GULP1: variants seen among roughly 807,000 people sequenced by gnomAD.
GULP1 encodes GULP PTB domain containing engulfment adaptor 1.
A neutral mutation model predicts 40.9 loss-of-function variants in GULP1; 19 were observed. That is an observed-to-expected ratio of 0.46 (90% CI 0.32 to 0.68). The LOEUF is 0.68. Among genes scored for constraint, GULP1 ranks in the 30% least tolerant of loss-of-function variants. The pLI is 0.03. For synonymous variants in GULP1, 119 were observed against 117.6 expected, an observed-to-expected ratio of 1.01 and a Z score of -0.08; for missense variants, 312 against 362.2, an observed-to-expected ratio of 0.86 and a Z score of 1.12.
At chr2:188,367,648 G>GT (rs2046984934) in intron 1 of GULP1, among the ~76,000 whole-genome samples, 1 of 152,168 alleles carries the variant, frequency 6.6e-6, no homozygotes, top group Non-Finnish European at 1.5e-5. Context: ...TCAGAAACAG[G>GT]TATCAAGATA....
chr2:188,375,878 C>A (rs2048229795), intron 1 of GULP1, among the ~76,000 whole-genome samples: 1 of 152,010 alleles, frequency 6.6e-6, no homozygotes, highest in African/African-American at 2.4e-5. Context: ...ATGTTCACTC[C>A]CCTGTATCCT....
In GULP1 at chr2:188,473,157, C is replaced by A. The variant is rs4588151; in HGVS notation, c.-44-4502C>A. Among the ~76,000 whole-genome samples the A allele has an allele frequency of 7.6e-5, 9 of 118,762 alleles. No individual in the cohort carries two copies. The South Asian group carries it at 8.6e-4, about 11-fold the overall frequency. The allele number at this position is 118,762 out of a possible 152,430, so 77.9% of individuals were successfully genotyped here. On this transcript the variant is annotated intron_variant, in intron 2 of 11. Coordinates refer to ENST00000409830, the MANE Select transcript of GULP1 (RefSeq NM_016315.4). ...TTTCAAACAAATGGGGTCTCTCTTT[C>A]TCTCTCTCTCTCTCTCTCTCTGTTC...
chr2:188,566,612 G>A (rs1176671218), intron 7 of GULP1, among the ~76,000 whole-genome samples: 2 of 151,418 alleles, frequency 1.3e-5, no homozygotes, highest in Admixed American at 1.3e-4. Flanking sequence ...CCTGGCTAAC[G>A]TGGTGAAACC....
At chr2:188,348,160 GACTT>G (rs1210038010) in intron 1 of GULP1, among the ~76,000 whole-genome samples, 2 of 152,250 alleles carry the variant, frequency 1.3e-5, no homozygotes, top group Admixed American at 1.3e-4. Flanking sequence ...ATTATAATGA[GACTT>G]AATTGATATA....
At chr2:188,516,944 C>G (rs2065234247) in intron 4 of GULP1, among the ~76,000 whole-genome samples, 1 of 152,106 alleles carries the variant, frequency 6.6e-6, no homozygotes, top group Non-Finnish European at 1.5e-5. Context: ...TCTGAACATC[C>G]TATTTAAAAT....
At chr2:188,388,259 TG>T (rs1327451525) in intron 2 of GULP1, among the ~76,000 whole-genome samples, 1 of 151,754 alleles carries the variant, frequency 6.6e-6, no homozygotes, top group African/African-American at 2.4e-5. Context: ...CCAACTGCAT[TG>T]GCTCATGCCT....
chr2:188,462,981 T>C (rs2059831956), intron 2 of GULP1, among the ~76,000 whole-genome samples: 2 of 152,166 alleles, frequency 1.3e-5, no homozygotes, highest in South Asian at 4.1e-4. Flanking sequence ...CCATTTTTCT[T>C]GAAAAGTTGT....
At chr2:188,457,326 C>G (rs905106377) in intron 2 of GULP1, among the ~76,000 whole-genome samples, 1 of 152,150 alleles carries the variant, frequency 6.6e-6, no homozygotes, top group Non-Finnish European at 1.5e-5. Flanking sequence ...ACAATTCCCA[C>G]ATGTTGTGGG....
intron 2 of GULP1, among the ~76,000 whole-genome samples, chr2:188,420,799 G>T (rs1397745778): frequency 6.6e-6 from 1 of 152,062 alleles, no homozygotes; most frequent in Admixed American, 6.5e-5. Context: ...GAAACAATTG[G>T]CAGAGAGTGG....
At chr2:188,423,865 A>T (rs2055795942) in intron 2 of GULP1, among the ~76,000 whole-genome samples, 1 of 151,904 alleles carries the variant, frequency 6.6e-6, no homozygotes, top group South Asian at 2.1e-4. Context: ...TAATATTTTT[A>T]AAATTATTTC....
At chr2:188,420,393 TAA>T (rs1450441729) in intron 2 of GULP1, among the ~76,000 whole-genome samples, 1 of 152,174 alleles carries the variant, frequency 6.6e-6, no homozygotes, top group African/African-American at 2.4e-5. Flanking sequence ...TCTCCTTAGT[TAA>T]GTTTATTTCT....
At chr2:188,371,475 G>T (rs1232779037) in intron 1 of GULP1, among the ~76,000 whole-genome samples, 1 of 152,040 alleles carries the variant, frequency 6.6e-6, no homozygotes, top group Non-Finnish European at 1.5e-5. Context: ...AGATTTCTGA[G>T]TCCTGACCTT....
chr2:188,305,632 T>C (rs960903327), intron 1 of GULP1, among the ~76,000 whole-genome samples: 3 of 152,198 alleles, frequency 2.0e-5, no homozygotes, highest in African/African-American at 7.2e-5. Context: ...AGCCAGGAAA[T>C]GTGGATGAAA....
intron 4 of GULP1, among the ~76,000 whole-genome samples, chr2:188,516,038 T>G (rs2065136727): frequency 6.6e-6 from 1 of 152,158 alleles, no homozygotes; most frequent in Non-Finnish European, 1.5e-5. Flanking sequence ...TTTCCTGTCT[T>G]TTGTTATTTT....
At chr2:188,450,664 G>A (rs2058766303) in intron 2 of GULP1, among the ~76,000 whole-genome samples, 1 of 152,046 alleles carries the variant, frequency 6.6e-6, no homozygotes, top group Non-Finnish European at 1.5e-5. Flanking sequence ...CATTTAGAAT[G>A]TTTTATACAA....
At chr2:188,462,581 A>G (rs2059797446) in intron 2 of GULP1, among the ~76,000 whole-genome samples, 1 of 152,142 alleles carries the variant, frequency 6.6e-6, no homozygotes, top group African/African-American at 2.4e-5. Flanking sequence ...TATTTGCTTC[A>G]TATATCTGGG....
At chr2:188,521,681 C>T (rs539543117) in intron 4 of GULP1, among the ~76,000 whole-genome samples, 4 of 152,264 alleles carry the variant, frequency 2.6e-5, no homozygotes, top group South Asian at 4.1e-4. Context: ...CCAGTTTCCT[C>T]CCATAACACA....
chr2:188,471,870 A>G (rs1016918461), intron 2 of GULP1, among the ~76,000 whole-genome samples: 5 of 152,104 alleles, frequency 3.3e-5, no homozygotes, highest in African/African-American at 1.2e-4. Flanking sequence ...TGAGTTTTGT[A>G]TCTTTGGTGT....
chr2:188,310,332 G>T (rs1002391780), intron 1 of GULP1, among the ~76,000 whole-genome samples: 12 of 152,148 alleles, frequency 7.9e-5, no homozygotes, highest in African/African-American at 2.9e-4. Flanking sequence ...AAATAGTCTC[G>T]ATTAGAGAAG....
Sources: gnomAD v4.1 joint callset for allele counts (sites outside exome capture counted in the v4.1 genomes callset) on GRCh38, gnomAD v4.1.1 for gene constraint, MANE v1.5 for transcripts, NCBI Gene and HGNC (gene_info 2026-07-23, HGNC 2026-07-21) for gene names.